The following GPM6A variants were observed in gnomAD, a reference collection of about 807,000 sequenced individuals.
GPM6A encodes glycoprotein M6A.
In GPM6A, 7 loss-of-function variants were observed where a neutral mutation model predicts 32.1. That is an observed-to-expected ratio of 0.22 (90% CI 0.12 to 0.41). The LOEUF (loss-of-function observed/expected upper bound fraction) is 0.41. GPM6A is among the 10% of genes least tolerant of loss of function. The pLI, the probability that GPM6A is intolerant of heterozygous loss-of-function variation, is 1.00. For synonymous variants in GPM6A, 130 were observed against 123.4 expected (o/e 1.05, Z -0.35); for missense variants, 235 against 347.2 (o/e 0.68, Z 2.57).
At chr4:175,941,441 CA>C (rs756875379) in intron 1 of GPM6A, among the ~76,000 whole-genome samples, 4 of 151,988 alleles carry the variant, frequency 2.6e-5, no homozygotes, top group Non-Finnish European at 4.4e-5. Flanking sequence ...GTAGAACATG[CA>C]GGTTTGTCAC....
chr4:175,705,575 G>A (rs1745142482), intron 1 of GPM6A, among the ~76,000 whole-genome samples: 1 of 152,130 alleles, frequency 6.6e-6, no homozygotes, highest in Admixed American at 6.6e-5. Flanking sequence ...AGGATCCCAC[G>A]TAGTTGCTGG....
intron 3 of GPM6A, among the ~76,000 whole-genome samples, chr4:175,656,084 A>G (rs909824189): frequency 5.3e-5 from 8 of 152,136 alleles, no homozygotes; most frequent in Non-Finnish European, 1.0e-4. Flanking sequence ...TTACATAAAT[A>G]AAGTGGCCTC....
intron 1 of GPM6A, among the ~76,000 whole-genome samples, chr4:175,799,671 C>CTTTTTTTTTTTTTTTTT (rs374571140): frequency 4.1e-5 from 5 of 122,090 alleles, no homozygotes; most frequent in Non-Finnish European, 3.5e-5. Context: ...CAAGTGTTTT[C>CTTTTTTTTTTTTTTTTT]TTTTTTTTTT....
intron 2 of GPM6A, among the ~76,000 whole-genome samples, chr4:175,683,684 T>C (rs1743810857): frequency 6.6e-6 from 1 of 152,126 alleles, no homozygotes; most frequent in Admixed American, 6.5e-5. Flanking sequence ...TCTCTCCCTC[T>C]CTTGCTCCTG....
chr4:175,646,038 C>A (rs1741445036), intron 4 of GPM6A, among the ~76,000 whole-genome samples: 1 of 152,014 alleles, frequency 6.6e-6, no homozygotes, highest in Non-Finnish European at 1.5e-5. Flanking sequence ...TGAATGACTC[C>A]TCTCCTTTGG....
chr4:175,781,964 G>A (rs774997972), intron 1 of GPM6A, among the ~76,000 whole-genome samples: 1 of 152,132 alleles, frequency 6.6e-6, no homozygotes, highest in Non-Finnish European at 1.5e-5. Context: ...ATCTAGCACA[G>A]TGATCATGAG....
intron 1 of GPM6A, among the ~76,000 whole-genome samples, chr4:175,860,588 G>A (rs565103935): frequency 6.6e-5 from 10 of 152,202 alleles, no homozygotes; most frequent in South Asian, 4.1e-4. Context: ...AGAGGGAAGC[G>A]TAGCACAGAA....
At chr4:175,734,877 T>C (rs1458243191) in intron 1 of GPM6A, among the ~76,000 whole-genome samples, 1 of 151,856 alleles carries the variant, frequency 6.6e-6, no homozygotes, top group Non-Finnish European at 1.5e-5. Context: ...TGCTATAATA[T>C]TTACTTTACC....
intron 1 of GPM6A, among the ~76,000 whole-genome samples, chr4:176,001,245 C>CT (rs1741468177): frequency 6.6e-6 from 1 of 152,140 alleles, no homozygotes; most frequent in Non-Finnish European, 1.5e-5. Context: ...CAACAAAGGA[C>CT]AAGGGAGAAG....
intron 1 of GPM6A, among the ~76,000 whole-genome samples, chr4:175,784,443 T>C (rs1307550349): frequency 6.6e-6 from 1 of 152,166 alleles, no homozygotes; most frequent in Admixed American, 6.5e-5. Flanking sequence ...TGGAGATTAT[T>C]ATATCTATGT....
chr4:175,881,011 AG>A (rs777855629), intron 1 of GPM6A, among the ~76,000 whole-genome samples: 51 of 152,194 alleles, frequency 3.4e-4, no homozygotes, highest in Non-Finnish European at 1.2e-4. Context: ...ATTAAACTAA[AG>A]AGCTCCTGCA....
intron 1 of GPM6A, among the ~76,000 whole-genome samples, chr4:175,902,367 A>G (rs1737994707): frequency 6.6e-6 from 1 of 152,192 alleles, no homozygotes; most frequent in Non-Finnish European, 1.5e-5. Flanking sequence ...TATTTCCTAA[A>G]AAAGAGCAGC....
chr4:175,757,967 T>C (rs771231091), intron 1 of GPM6A, among the ~76,000 whole-genome samples: 52 of 152,310 alleles, frequency 3.4e-4, no homozygotes, highest in Admixed American at 7.2e-4. Flanking sequence ...AGTGACATAA[T>C]TGTAAATATG....
At chr4:175,757,092 G>A (rs552692600) in intron 1 of GPM6A, among the ~76,000 whole-genome samples, 10 of 152,180 alleles carry the variant, frequency 6.6e-5, no homozygotes, top group African/African-American at 2.4e-4. Context: ...TGCATTAGGT[G>A]TTATCTGTGT....
chr4:175,956,196 C>T (rs73014094), intron 1 of GPM6A, among the ~76,000 whole-genome samples: 11,176 of 152,140 alleles, frequency 0.073, 604 homozygotes, highest in South Asian at 0.19. Flanking sequence ...AGCCATTAGC[C>T]AAATTTCTCT....
At chr4:175,649,907 T>C (rs1741682288) in intron 4 of GPM6A, among the ~76,000 whole-genome samples, 1 of 152,192 alleles carries the variant, frequency 6.6e-6, no homozygotes, top group Non-Finnish European at 1.5e-5. Flanking sequence ...GCAACCCTAT[T>C]TGAGAGGCTA....
At chr4:175,662,328 G>T (rs143831955) in intron 3 of GPM6A, among the ~76,000 whole-genome samples, 2 of 152,126 alleles carry the variant, frequency 1.3e-5, no homozygotes, top group African/African-American at 4.8e-5. Flanking sequence ...GGCCAGGCTC[G>T]GTGGCTCACA....
At chr4:175,789,943 T>C (rs1733947559) in intron 1 of GPM6A, among the ~76,000 whole-genome samples, 1 of 152,178 alleles carries the variant, frequency 6.6e-6, no homozygotes, top group South Asian at 2.1e-4. Context: ...GCAAATATAT[T>C]TGTTCTGAGT....
At chr4:175,648,460 C>A (rs540410226) in intron 4 of GPM6A, among the ~76,000 whole-genome samples, 9 of 152,112 alleles carry the variant, frequency 5.9e-5, no homozygotes, top group Non-Finnish European at 1.3e-4. Context: ...TAGGAGATCA[C>A]AAAAACAGTA....
Sources: allele counts gnomAD v4.1 joint callset (sites outside exome capture counted in the v4.1 genomes callset), GRCh38; gene constraint gnomAD v4.1.1; transcripts MANE v1.5; gene names NCBI Gene and HGNC (gene_info 2026-07-23, HGNC 2026-07-21).